The following IL1RAPL2 variants were observed in gnomAD, a reference collection of about 807,000 sequenced individuals.
The protein encoded by IL1RAPL2 is X-linked interleukin-1 receptor accessory protein-like 2.
IL1RAPL2 carries 3 observed loss-of-function variants against 44.1 expected under a neutral mutation model. The ratio of observed to expected loss-of-function variants is 0.07; its 90% CI spans 0.03 to 0.18. The LOEUF (loss-of-function observed/expected upper bound fraction) is 0.18, where lower values mean the gene tolerates loss of function less well. Among genes scored for constraint, IL1RAPL2 ranks in the 10% least tolerant of loss-of-function variants. The pLI is 1.00. For missense variants in IL1RAPL2, 391 were observed against 496.4 expected, an observed-to-expected ratio of 0.79 and a Z score of 2.02; for synonymous variants, 181 against 178.8, an observed-to-expected ratio of 1.01 and a Z score of -0.10.
chrX:105,298,214 G>A (rs771995733), intron 5 of IL1RAPL2, among the ~76,000 whole-genome samples: 211 of 111,421 alleles, frequency 1.9e-3, no homozygotes, highest in Non-Finnish European at 2.5e-3. Context: ...CATGCTGTAC[G>A]ATAGATCTCT....
At chrX:104,875,322 T>A (rs1922873687) in intron 2 of IL1RAPL2, among the ~76,000 whole-genome samples, 1 of 111,780 alleles carries the variant, frequency 8.9e-6, no homozygotes, top group Admixed American at 9.5e-5. Context: ...TCTATTCTGT[T>A]GGGTATTGTA....
chrX:104,672,343 G>A lies in IL1RAPL2; in HGVS notation c.82+13348G>A, dbSNP rs1351628847. Among the ~76,000 whole-genome samples, 4 of 110,196 alleles carry A rather than the reference G, an allele frequency of 3.6e-5. No homozygotes were observed. In the East Asian group the frequency reaches 8.7e-4, roughly 24 times the overall value. ...TTCCCACCTATGAGTGAGAATATGCGGTGTTTGGTTTTTTGTTCTTGTGAT... is the reference window on the plus strand; with the variant it reads ...TTCCCACCTATGAGTGAGAATATGCAGTGTTTGGTTTTTTGTTCTTGTGAT... On this transcript the variant is annotated intron_variant, in intron 2 of 10. Coordinates refer to ENST00000372582, the MANE Select transcript of IL1RAPL2 (RefSeq NM_017416.2).
intron 1 of IL1RAPL2, among the ~76,000 whole-genome samples, chrX:104,582,341 T>G (rs762074879): frequency 1.8e-5 from 2 of 111,913 alleles, no homozygotes; most frequent in Non-Finnish European, 3.8e-5. Context: ...CAGGCCTACC[T>G]GAAATGGAGA....
rs755496552 is a variant in IL1RAPL2, at chrX:105,343,880, CT to C, written c.697+76352del. ...TACTTTTCGTTATTGTCAAAGTTTT[CT>C]TTTTTTTTTTTTCTTTCTTTTTTTC... On this transcript the variant is annotated intron_variant, in intron 5 of 10. Coordinates refer to ENST00000372582, the MANE Select transcript of IL1RAPL2 (RefSeq NM_017416.2). Among the ~76,000 whole-genome samples the C allele has an allele frequency of 2.8e-3, 284 of 100,359 alleles. 1 individual carries two copies. The highest frequency in any genetic ancestry group is 5.2e-3 in the East Asian group (17 of 3,255). 87.1% of individuals were successfully genotyped at this position (100,359 alleles called of 115,157 possible).
At chrX:105,069,417 G>A (rs985663377) in intron 2 of IL1RAPL2, among the ~76,000 whole-genome samples, 1 of 112,286 alleles carries the variant, frequency 8.9e-6, no homozygotes, top group Non-Finnish European at 1.9e-5. Context: ...AACATAGAAA[G>A]GAATTCAAAT....
intron 2 of IL1RAPL2, among the ~76,000 whole-genome samples, chrX:105,012,674 C>CACACACACACAGAGAG (rs1258556672): frequency 9.8e-5 from 8 of 81,280 alleles, no homozygotes; most frequent in Admixed American, 4.0e-4. Flanking sequence ...CACACACACA[C>CACACACACACAGAGAG]AGAGAGAGAG....
intron 1 of IL1RAPL2, among the ~76,000 whole-genome samples, chrX:104,650,738 A>G (rs771802382): frequency 1.8e-5 from 2 of 112,044 alleles, no homozygotes; most frequent in South Asian, 7.4e-4. Flanking sequence ...CTATGCATGT[A>G]TCGCCACAGT....
chrX:104,925,795 G>A (rs1026996992), intron 2 of IL1RAPL2, among the ~76,000 whole-genome samples: 27 of 111,543 alleles, frequency 2.4e-4, no homozygotes, highest in African/African-American at 8.5e-4. Context: ...CACAAGGCAA[G>A]GATGCCCTCT....
At chrX:104,803,435 C>A (rs887443409) in intron 2 of IL1RAPL2, among the ~76,000 whole-genome samples, 6 of 112,036 alleles carry the variant, frequency 5.4e-5, no homozygotes, top group African/African-American at 1.9e-4. Context: ...GGAATAGGTG[C>A]CAGCTTCTCA....
At chrX:105,763,623 G>T (rs1386006064) in intron 10 of IL1RAPL2, among the ~76,000 whole-genome samples, 12 of 110,216 alleles carry the variant, frequency 1.1e-4, no homozygotes, top group Non-Finnish European at 5.7e-5. Context: ...GGCAGAAAAA[G>T]AAAGGGATAA....
At chrX:104,932,061 G>A (rs1225982658) in intron 2 of IL1RAPL2, among the ~76,000 whole-genome samples, 1 of 102,346 alleles carries the variant, frequency 9.8e-6, no homozygotes, top group Non-Finnish European at 2.0e-5. Context: ...GCGTGATCTC[G>A]GCTCACTGCA....
chrX:104,750,878 A>C (rs1315849028), intron 2 of IL1RAPL2, among the ~76,000 whole-genome samples: 1 of 109,725 alleles, frequency 9.1e-6, no homozygotes, highest in Non-Finnish European at 1.9e-5. Context: ...AACCCAAATT[A>C]AAAAAAAACC....
At chrX:104,817,146 G>T (rs1375762819) in intron 2 of IL1RAPL2, among the ~76,000 whole-genome samples, 1 of 112,582 alleles carries the variant, frequency 8.9e-6, no homozygotes, top group Non-Finnish European at 1.9e-5. Flanking sequence ...AGTCCTGTCT[G>T]TCTAGATTCT....
At chrX:104,726,892 G>A (rs1931807415) in intron 2 of IL1RAPL2, among the ~76,000 whole-genome samples, 2 of 109,174 alleles carry the variant, frequency 1.8e-5, no homozygotes, top group East Asian at 2.9e-4. Context: ...GGCTATTAGG[G>A]CTCTTTTTTG....
chrX:105,000,325 G>A (rs2030829296), intron 2 of IL1RAPL2, among the ~76,000 whole-genome samples: 2 of 111,645 alleles, frequency 1.8e-5, no homozygotes, highest in Admixed American at 1.9e-4. Context: ...AATCCCTTGA[G>A]GTTAGTGACT....
chrX:104,900,510 C>T (rs1221519735), intron 2 of IL1RAPL2, among the ~76,000 whole-genome samples: 3 of 111,307 alleles, frequency 2.7e-5, no homozygotes, highest in African/African-American at 9.8e-5. Context: ...CCCCCAAACT[C>T]ACTGGCTTAA....
At chrX:105,250,312 T>C (rs1213307270) in intron 4 of IL1RAPL2, among the ~76,000 whole-genome samples, 1 of 111,340 alleles carries the variant, frequency 9.0e-6, no homozygotes, top group African/African-American at 3.3e-5. Context: ...GATGGATGTA[T>C]GAAATTATTC....
chrX:104,623,164 A>G (rs1367208536), intron 1 of IL1RAPL2, among the ~76,000 whole-genome samples: 2 of 111,481 alleles, frequency 1.8e-5, no homozygotes, highest in Admixed American at 9.6e-5. Context: ...TTACTTCTAA[A>G]CAGTAAGAAA....
chrX:104,599,431 A>T (rs1184258903), intron 1 of IL1RAPL2, among the ~76,000 whole-genome samples: 1 of 108,398 alleles, frequency 9.2e-6, no homozygotes, highest in Non-Finnish European at 1.9e-5. Context: ...ATTTTTTTGT[A>T]GAGACAAGGT....
Sources: gnomAD v4.1 joint callset for allele counts (sites outside exome capture counted in the v4.1 genomes callset) on GRCh38, gnomAD v4.1.1 for gene constraint, MANE v1.5 for transcripts, NCBI Gene and HGNC (gene_info 2026-07-23, HGNC 2026-07-21) for gene names.